SP4: variants seen among roughly 807,000 people sequenced by gnomAD.
SP4 encodes Sp4 transcription factor.
Under a neutral mutation model 72.8 loss-of-function variants are expected in SP4, and 19 were observed. The observed-to-expected ratio is 0.26, with a 90% CI of 0.18 to 0.38. SP4 has a LOEUF of 0.38. Ranked by LOEUF, SP4 falls within the 10% of genes least tolerant of loss-of-function variation. The probability of loss-of-function intolerance (pLI) is 1.00; values close to 1 mark genes in which losing one functional copy is unlikely to be tolerated. For synonymous variants in SP4, 395 were observed against 333.1 expected (o/e 1.19, Z -2.02); for missense variants, 1,008 against 926.3 (o/e 1.09, Z -1.14).
In SP4 at chr7:21,511,859, A is replaced by C. The variant is rs1347720760; in HGVS notation, c.*590A>C. 6.5e-6 allele frequency: 1 copy of C among 153,976 alleles called. No homozygotes were observed. The highest frequency in any genetic ancestry group is 2.4e-5 in the African/African-American group (1 of 41,468). The allele number at this position is 153,976 out of a possible 1,614,324, so 9.5% of individuals were successfully genotyped here. A position where few individuals can be genotyped will look rare whatever the true frequency, so the allele number is the denominator to read the frequency against. On this transcript the variant is annotated 3_prime_UTR_variant, in exon 6 of 6. Transcript: ENST00000222584. Reference sequence around the variant, plus strand: ...AATCTGAGATGCATCTCAGATCTTTATTACCACTACATTATAGTAGTGTGT... The same window carrying C: ...AATCTGAGATGCATCTCAGATCTTTCTTACCACTACATTATAGTAGTGTGT...
chr7:21,449,884 G>A (rs1024709592), intron 3 of SP4, among the ~76,000 whole-genome samples: 1 of 152,124 alleles, frequency 6.6e-6, no homozygotes, highest in African/African-American at 2.4e-5. Flanking sequence ...TTTCTCAAGG[G>A]AATAAGGTAT....
At chr7:21,470,515 A>C (rs1043057666) in intron 3 of SP4, among the ~76,000 whole-genome samples, 4 of 152,210 alleles carry the variant, frequency 2.6e-5, no homozygotes, top group Admixed American at 2.6e-4. Context: ...TCTATATGGA[A>C]TATGCCTTTT....
At chr7:21,446,051 T>C (rs563954167) in intron 3 of SP4, among the ~76,000 whole-genome samples, 1 of 100,756 alleles carries the variant, frequency 9.9e-6, no homozygotes, top group South Asian at 3.0e-4. Flanking sequence ...TAGGTAGATA[T>C]ATATGTGTGT....
rs1782806071 is a variant in SP4 at position 21,430,493 on chromosome 7, A to G, written c.1328A>G (p.Asn443Ser). The change falls in exon 3 of 6, where the codon AAT becomes AGT. Residue 443 changes from asparagine (N) to serine (S), a missense_variant. Coordinates refer to ENST00000222584, the MANE Select transcript of SP4 (RefSeq NM_003112.5). ...ACCATCCAGCAGCAGCCTTTACAGA[A>G]TGTTCAACTTCAAGCAGTAAATCCG... Reference protein sequence around the residue: ...IQTIQQQPLQNVQLQAVNPTQ... With the variant: ...IQTIQQQPLQSVQLQAVNPTQ... 3 of 1,614,184 alleles carry G rather than the reference A, an allele frequency of 1.9e-6. No homozygotes were observed. Among genetic ancestry groups the G allele is most frequent in the Non-Finnish European group, 2.5e-6 (3 of 1,180,034 alleles).
At chr7:21,486,418 G>T (rs538884178) in intron 5 of SP4, among the ~76,000 whole-genome samples, 2 of 152,144 alleles carry the variant, frequency 1.3e-5, no homozygotes, top group East Asian at 3.9e-4. Context: ...CCAGGATTCA[G>T]TCTGGAATAA....
chr7:21,472,474 T>A (rs1013425067), intron 3 of SP4, among the ~76,000 whole-genome samples: 1 of 152,018 alleles, frequency 6.6e-6, no homozygotes, highest in Non-Finnish European at 1.5e-5. Context: ...TTAATTTTTT[T>A]AAGAGATGGC....
chr7:21,483,853 C>T (rs1003388385), intron 5 of SP4, among the ~76,000 whole-genome samples: 1 of 151,240 alleles, frequency 6.6e-6, no homozygotes, highest in African/African-American at 2.4e-5. Context: ...ATTTGGGACT[C>T]AGTATTTCAT....
At chr7:21,460,054 GACTCC>G (rs370691958) in intron 3 of SP4, among the ~76,000 whole-genome samples, 4 of 152,294 alleles carry the variant, frequency 2.6e-5, no homozygotes, top group African/African-American at 9.6e-5. Context: ...AGAAATAAAA[GACTCC>G]ATGAAACCTG....
At chr7:21,449,415 AT>A (rs946800073) in intron 3 of SP4, among the ~76,000 whole-genome samples, 7 of 151,916 alleles carry the variant, frequency 4.6e-5, no homozygotes, top group Non-Finnish European at 1.0e-4. Flanking sequence ...TGGGCTACTG[AT>A]TTTTTTTCAA....
At position 21,511,273 on chromosome 7, in the gene SP4, GTTAT is replaced by G; in HGVS notation, c.*9_*12del. 1 of 1,613,344 alleles carries G rather than the reference GTTAT, an allele frequency of 6.2e-7. No individual in the cohort carries two copies. Among genetic ancestry groups the G allele is most frequent in the Non-Finnish European group, 8.5e-7 (1 of 1,179,590 alleles). ...AACCAACATGGAAGAATTCTGAAAA[GTTAT>G]TTATAACAGAGACCTCTAGTGCTGC... On this transcript the variant is annotated 3_prime_UTR_variant, in exon 6 of 6. Coordinates refer to ENST00000222584, the MANE Select transcript of SP4 (RefSeq NM_003112.5).
chr7:21,451,810 A>G (rs913897223), intron 3 of SP4, among the ~76,000 whole-genome samples: 1 of 152,188 alleles, frequency 6.6e-6, no homozygotes, highest in Admixed American at 6.5e-5. Flanking sequence ...AAAAACGACA[A>G]GTAGAGATGT....
intron 5 of SP4, among the ~76,000 whole-genome samples, chr7:21,489,603 A>G (rs1239181088): frequency 1.6e-5 from 2 of 127,650 alleles, no homozygotes; most frequent in African/African-American, 6.0e-5. Flanking sequence ...TCTGTCACCC[A>G]GGCTGGAGTG....
chr7:21,479,556 G>A lies in SP4; in HGVS notation c.1907+2249G>A, dbSNP rs1784616440. ...TGGATTTGTAATAACTTTTGAAATC[G>A]AGAAATGTGAGTCCTGCAGCTTTGT... On this transcript the variant is annotated intron_variant, in intron 4 of 5. Transcript: ENST00000222584. Among the ~76,000 whole-genome samples the A allele has an allele frequency of 2.0e-5, 3 of 152,226 alleles. No individual in the cohort carries two copies. In the South Asian group the frequency reaches 6.2e-4, roughly 32 times the overall value.
intron 3 of SP4, among the ~76,000 whole-genome samples, chr7:21,442,978 C>G (rs1209549910): frequency 1.3e-5 from 2 of 152,096 alleles, no homozygotes; most frequent in Non-Finnish European, 2.9e-5. Context: ...TCAGGTGATC[C>G]ACCCACCTTG....
chr7:21,467,681 A>G (rs967358657), intron 3 of SP4, among the ~76,000 whole-genome samples: 1 of 152,172 alleles, frequency 6.6e-6, no homozygotes, highest in African/African-American at 2.4e-5. Context: ...ATTTTTTGAG[A>G]GGACCTTAGA....
At chr7:21,476,438 TATAAC>T (rs1429653011) in intron 3 of SP4, among the ~76,000 whole-genome samples, 1 of 152,216 alleles carries the variant, frequency 6.6e-6, no homozygotes, top group Non-Finnish European at 1.5e-5. Context: ...GTCTAAGCTA[TATAAC>T]ATGAATGAAT....
chr7:21,454,342 T>A (rs115675141), intron 3 of SP4, among the ~76,000 whole-genome samples: 101 of 135,806 alleles, frequency 7.4e-4, no homozygotes, highest in African/African-American at 2.8e-3. Context: ...CTTTATAAAT[T>A]CCCTTTTACT....
intron 3 of SP4, 46 bp from the exon 4 acceptor site, chr7:21,477,033 A>G (rs1784519794): frequency 7.2e-7 from 1 of 1,391,858 alleles, no homozygotes; most frequent in Non-Finnish European, 1.0e-6. Context: ...TCCTTTCTTT[A>G]GGTGTAGAAA....
At chr7:21,445,564 C>A (rs1783394893) in intron 3 of SP4, among the ~76,000 whole-genome samples, 1 of 152,104 alleles carries the variant, frequency 6.6e-6, no homozygotes, top group African/African-American at 2.4e-5. Flanking sequence ...CAGACATGTT[C>A]TTTATTCATG....
Sources: gnomAD v4.1 joint callset for allele counts (sites outside exome capture counted in the v4.1 genomes callset) on GRCh38, gnomAD v4.1.1 for gene constraint, MANE v1.5 for transcripts, NCBI Gene and HGNC (gene_info 2026-07-23, HGNC 2026-07-21) for gene names.